The following ZNF674 variants were observed in gnomAD, a reference collection of about 807,000 sequenced individuals.
ZNF674 encodes the protein zinc finger protein 674.
In ZNF674, 2 loss-of-function variants were observed where a neutral mutation model predicts 7.0. The ratio of observed to expected loss-of-function variants is 0.29; its 90% CI spans 0.12 to 0.90. The LOEUF is 0.90. ZNF674 is among the 40% of genes least tolerant of loss of function. The pLI is 0.57. For synonymous variants in ZNF674, 103 were observed against 145.2 expected, an observed-to-expected ratio of 0.71 and a Z score of 2.09; for missense variants, 297 against 415.5, an observed-to-expected ratio of 0.71 and a Z score of 2.48.
chrX:46,502,277 G>A (rs2146588003), intron 5 of ZNF674, among the ~76,000 whole-genome samples: 1 of 99,980 alleles, frequency 1.0e-5, no homozygotes, highest in African/African-American at 3.9e-5. Context: ...CTGCACCCCA[G>A]CCTAGGTGAC....
intron 5 of ZNF674, chrX:46,527,621 TAA>T (rs1417630894): frequency 9.0e-6 from 1 of 111,379 alleles, no homozygotes; most frequent in African/African-American, 3.3e-5. Context: ...TTTGAATAAA[TAA>T]AGAGATAATA....
rs189178099 is a variant in ZNF674 at position 46,500,281 on chromosome X, T to C, written c.1293A>G (p.Thr431=). 1.2e-4 allele frequency: 140 copies of C among 1,209,706 alleles called. 1 individual carries two copies. In the African/African-American group the frequency reaches 1.4e-3, roughly 12 times the overall value. ...SHLSVHHRTH[T]GEKPYECRRC... ...TTCTGCATTCATAAGGTTTCTCTCC[T>C]GTATGAGTTCTATGATGGACAGAGA... The change falls in exon 6 of 6, where the codon ACA becomes ACG. Residue 431 remains threonine (T), a synonymous_variant. Coordinates refer to ENST00000683375, the MANE Select transcript of ZNF674 (RefSeq NM_001190417.2).
intron 5 of ZNF674, among the ~76,000 whole-genome samples, chrX:46,526,949 A>G (rs1942019448): frequency 9.0e-6 from 1 of 111,729 alleles, no homozygotes; most frequent in Non-Finnish European, 1.9e-5. Flanking sequence ...GGGAGTACAT[A>G]CTTAAAGGAC....
chrX:46,529,520 A>G (rs770181802), intron 3 of ZNF674: 6 of 112,188 alleles, frequency 5.3e-5, no homozygotes, highest in Non-Finnish European at 9.3e-5. Context: ...AATACAAAAA[A>G]TAGCTGGGCA....
chrX:46,520,909 G>A (rs892601380), intron 5 of ZNF674, among the ~76,000 whole-genome samples: 1 of 111,687 alleles, frequency 9.0e-6, no homozygotes, highest in African/African-American at 3.3e-5. Context: ...AATCTAGACT[G>A]GGCGCAGTGG....
intron 5 of ZNF674, among the ~76,000 whole-genome samples, chrX:46,525,734 C>T (rs1219933813): frequency 9.1e-6 from 1 of 109,587 alleles, no homozygotes; most frequent in African/African-American, 3.4e-5. Flanking sequence ...AAGCTATCTA[C>T]AAAAAAGTTA....
intron 5 of ZNF674, chrX:46,522,812 T>C (rs1941938243): frequency 8.9e-6 from 1 of 112,752 alleles, no homozygotes; most frequent in Non-Finnish European, 1.9e-5. Context: ...AGTCACAAAA[T>C]AATTCATATG....
intron 3 of ZNF674, among the ~76,000 whole-genome samples, chrX:46,538,885 C>G (rs1293438713): frequency 9.0e-6 from 1 of 111,192 alleles, no homozygotes; most frequent in African/African-American, 3.3e-5. Flanking sequence ...CAGCAAGACT[C>G]TGTCTCAAAA....
intron 5 of ZNF674, among the ~76,000 whole-genome samples, chrX:46,523,841 G>A (rs1330672118): frequency 9.0e-6 from 1 of 110,834 alleles, no homozygotes; most frequent in Non-Finnish European, 1.9e-5. Flanking sequence ...TCAGGAGTCT[G>A]AGACCACCCT....
At position 46,498,066 on chromosome X, in the gene ZNF674, C is replaced by T. The variant is rs1161219556; in HGVS notation, c.*1777G>A. 2.7e-5 allele frequency: 3 copies of T among 110,928 alleles called. No homozygotes were observed. Among genetic ancestry groups the T allele is most frequent in the African/African-American group, 3.3e-5 (1 of 30,545 alleles). 9.1% of individuals were successfully genotyped at this position (110,928 alleles called of 1,213,427 possible). ...ATGGTTCATATACTTCCTGTTTGTA[C>T]AATATTAATCATATGGTTATTGTTT... is the stretch of plus-strand genomic sequence containing the variant. On this transcript the variant is annotated 3_prime_UTR_variant, in exon 6 of 6. Coordinates refer to ENST00000683375, the MANE Select transcript of ZNF674 (RefSeq NM_001190417.2).
chrX:46,515,335 T>C (rs1941743450), intron 5 of ZNF674, among the ~76,000 whole-genome samples: 1 of 98,812 alleles, frequency 1.0e-5, no homozygotes, highest in Non-Finnish European at 2.0e-5. Flanking sequence ...TGCCATTGCA[T>C]CCTAGCCTGG....
chrX:46,535,397 T>C (rs1171189410), intron 3 of ZNF674, among the ~76,000 whole-genome samples: 1 of 111,614 alleles, frequency 9.0e-6, no homozygotes, highest in Non-Finnish European at 1.9e-5. Flanking sequence ...TTCTCCTGCC[T>C]CAGCCTTCCA....
At chrX:46,514,588 G>A (rs1941726979) in intron 5 of ZNF674, among the ~76,000 whole-genome samples, 1 of 112,257 alleles carries the variant, frequency 8.9e-6, no homozygotes, top group Admixed American at 9.5e-5. Flanking sequence ...GCAGTCAGGG[G>A]ACTCCAGCTA....
chrX:46,519,273 T>TAGATAGATA (rs780507155), intron 5 of ZNF674, among the ~76,000 whole-genome samples: 5 of 75,080 alleles, frequency 6.7e-5, no homozygotes, highest in Admixed American at 1.5e-4. Flanking sequence ...TAAAGATAGA[T>TAGATAGATA]GATAGATAGA....
At chrX:46,525,284 T>C (rs1941987389) in intron 5 of ZNF674, 8 of 260,683 alleles carry the variant, frequency 3.1e-5, no homozygotes, top group South Asian at 2.5e-4. Flanking sequence ...TTCAACACAA[T>C]ACTAAAGATC....
chrX:46,542,775 TA>T (rs1420227685), intron 2 of ZNF674, among the ~76,000 whole-genome samples: 2 of 111,160 alleles, frequency 1.8e-5, no homozygotes, highest in African/African-American at 6.5e-5. Context: ...GGGGACTTAG[TA>T]AAAAAATATG....
At chrX:46,533,663 G>A (rs1219959957) in intron 3 of ZNF674, among the ~76,000 whole-genome samples, 2 of 105,914 alleles carry the variant, frequency 1.9e-5, no homozygotes, top group African/African-American at 6.9e-5. Context: ...TCGGGAGGCT[G>A]AGGCAGGAGA....
chrX:46,527,177 T>A (rs1360930070), intron 5 of ZNF674, among the ~76,000 whole-genome samples: 3 of 109,610 alleles, frequency 2.7e-5, no homozygotes, highest in African/African-American at 1.0e-4. Flanking sequence ...GGCAGGAGAC[T>A]TGCTTGAACC....
rs1158567428 is a variant in ZNF674 at position 46,499,950 on chromosome X, G to A, written c.1624C>T (p.His542Tyr). 8 of 1,197,465 alleles carry A rather than the reference G, an allele frequency of 6.7e-6. No individual in the cohort carries two copies. The highest frequency in any genetic ancestry group is 9.0e-6 in the Non-Finnish European group (8 of 887,121). Reference protein sequence around the residue: ...KSTLIVHHRTHTGEKPYECRD... With the variant: ...KSTLIVHHRTYTGEKPYECRD... ...CATTCATAAGGTTTCTCTCCTGTAT[G>A]AGTTCTGTGATGCACAATGAGAGTT... The change falls in exon 6 of 6, where the codon CAT (histidine) becomes TAT (tyrosine). Residue 542 changes from histidine (H) to tyrosine (Y), a missense_variant. Transcript: ENST00000683375.
Sources: gnomAD v4.1 joint callset for allele counts (sites outside exome capture counted in the v4.1 genomes callset) on GRCh38, gnomAD v4.1.1 for gene constraint, MANE v1.5 for transcripts, NCBI Gene and HGNC (gene_info 2026-07-23, HGNC 2026-07-21) for gene names.